Variants in STAU2 observed in about 807,000 individuals in gnomAD.
STAU2 encodes double-stranded RNA-binding protein Staufen homolog 2.
STAU2 carries 20 observed loss-of-function variants against 65.9 expected under a neutral mutation model. The ratio of observed to expected loss-of-function variants is 0.30; its 90% confidence interval spans 0.21 to 0.44. The LOEUF is 0.44. STAU2 is among the 20% of genes least tolerant of loss of function. The pLI is 1.00. For missense variants in STAU2, 558 were observed against 683.9 expected, an observed-to-expected ratio of 0.82 and a Z score of 2.05; for synonymous variants, 232 against 233.9, an observed-to-expected ratio of 0.99 and a Z score of 0.07.
intron 13 of STAU2, among the ~76,000 whole-genome samples, chr8:73,473,490 C>T (rs892232919): frequency 2.0e-5 from 3 of 152,184 alleles, no homozygotes; most frequent in Non-Finnish European, 2.9e-5. Context: ...AAAATCCACA[C>T]GCCTCAAGTC....
chr8:73,695,829 T>C (rs1337736050), intron 4 of STAU2, among the ~76,000 whole-genome samples: 1 of 152,134 alleles, frequency 6.6e-6, no homozygotes, highest in African/African-American at 2.4e-5. Context: ...GTATTATGGA[T>C]TGAGTGCCAG....
intron 4 of STAU2, among the ~76,000 whole-genome samples, chr8:73,707,904 T>C (rs17223062): frequency 0.35 from 52,613 of 151,082 alleles, 10,938 homozygotes; most frequent in Non-Finnish European, 0.46. Context: ...TGCTCAACAA[T>C]GAGTAAGGGC....
chr8:73,450,475 T>C (rs900715656), intron 13 of STAU2, among the ~76,000 whole-genome samples: 6 of 152,152 alleles, frequency 3.9e-5, no homozygotes, highest in Admixed American at 3.9e-4. Context: ...GAGAGGAAAC[T>C]AAAGACTCAT....
chr8:73,594,319 T>C (rs1248159760), intron 11 of STAU2, among the ~76,000 whole-genome samples: 3 of 152,208 alleles, frequency 2.0e-5, no homozygotes, highest in African/African-American at 7.2e-5. Flanking sequence ...TCTAAGTGTC[T>C]TTATATATTT....
At chr8:73,691,922 C>G (rs1041180907) in intron 4 of STAU2, among the ~76,000 whole-genome samples, 8 of 152,126 alleles carry the variant, frequency 5.3e-5, no homozygotes, top group African/African-American at 1.9e-4. Flanking sequence ...GGATAGAGAG[C>G]TAGTCTGAGG....
chr8:73,690,337 A>G (rs1819243289), intron 4 of STAU2, among the ~76,000 whole-genome samples: 2 of 151,116 alleles, frequency 1.3e-5, no homozygotes, highest in Admixed American at 1.3e-4. Flanking sequence ...TCAAAAAAAA[A>G]AAAAAAAAAG....
chr8:73,484,897 G>T (rs781729519), intron 13 of STAU2, among the ~76,000 whole-genome samples: 7 of 152,108 alleles, frequency 4.6e-5, no homozygotes, highest in Non-Finnish European at 8.8e-5. Flanking sequence ...TGACAGAAGA[G>T]AAGTCACTTT....
chr8:73,573,932 C>A (rs1341382324), intron 12 of STAU2, among the ~76,000 whole-genome samples: 1 of 152,136 alleles, frequency 6.6e-6, no homozygotes, highest in Non-Finnish European at 1.5e-5. Context: ...AGAGCTTCTG[C>A]ACAGCAAAAG....
rs760064943 is a variant in STAU2, at chr8:73,617,323, T to G, written c.539A>C (p.Gln180Pro). ...AGATCTTTCTGGAATAGGTTCATTC[T>G]GCAGTGCTTGGAGGGCTTTCATTGC... Reference protein sequence around the residue: ...NAAMKALQALQNEPIPERSPQ... With the variant: ...NAAMKALQALPNEPIPERSPQ... The change falls in exon 7 of 15, where the codon CAG becomes CCG. Residue 180 changes from glutamine to proline, a missense_variant. Gln to Pro is a moderately conservative substitution (Grantham distance 76, BLOSUM62 -1). Around this residue, in one of 3 missense-constraint regions of STAU2, gnomAD observed 199 missense variants for 299.5 expected, o/e 0.66. Coordinates refer to ENST00000524300, the MANE Select transcript of STAU2 (RefSeq NM_001164380.2). 1 of 1,614,142 alleles carries G rather than the reference T, an allele frequency of 6.2e-7. No homozygotes were observed. Among genetic ancestry groups the G allele is most frequent in the Admixed American group, 1.7e-5 (1 of 60,022 alleles).
chr8:73,723,111 C>CACACACACACACACAT (rs1285539912), intron 3 of STAU2, among the ~76,000 whole-genome samples: 1 of 150,232 alleles, frequency 6.7e-6, no homozygotes, highest in African/African-American at 2.4e-5. Context: ...CACACACCCA[C>CACACACACACACACAT]ACACACACAC....
At chr8:73,470,294 A>G (rs895226517) in intron 13 of STAU2, among the ~76,000 whole-genome samples, 1 of 152,126 alleles carries the variant, frequency 6.6e-6, no homozygotes, top group African/African-American at 2.4e-5. Flanking sequence ...AAAGATCCCC[A>G]GTTTTGCTTT....
chr8:73,676,029 A>G (rs1818008594), intron 5 of STAU2, among the ~76,000 whole-genome samples: 2 of 152,208 alleles, frequency 1.3e-5, no homozygotes, highest in African/African-American at 2.4e-5. Flanking sequence ...TCTATGTACT[A>G]TTTCCACAAA....
rs559750003 is a variant in STAU2, at chr8:73,512,780, G to A, written c.1530+39232C>T. On this transcript the variant is annotated intron_variant, in intron 13 of 14. Coordinates refer to ENST00000524300, the MANE Select transcript of STAU2 (RefSeq NM_001164380.2). ...ATCTATCTTGAAGTTTATGGGTGTG[G>A]GTTCTTCTGCCATCTCAAATCTGTT... Among the ~76,000 whole-genome samples, 8 of 152,106 alleles carry A rather than the reference G, an allele frequency of 5.3e-5. No individual in the cohort carries two copies. In the South Asian group the frequency reaches 1.7e-3, roughly 32 times the overall value.
intron 13 of STAU2, among the ~76,000 whole-genome samples, chr8:73,447,457 C>CATA (rs1460075423): frequency 2.0e-5 from 3 of 152,168 alleles, no homozygotes; most frequent in Non-Finnish European, 2.9e-5. Context: ...TAATCAGTCC[C>CATA]ATAATAATAA....
At chr8:73,512,461 T>A (rs1293600287) in intron 13 of STAU2, among the ~76,000 whole-genome samples, 3 of 152,234 alleles carry the variant, frequency 2.0e-5, no homozygotes, top group Non-Finnish European at 4.4e-5. Context: ...AAATCTTGCA[T>A]CTCTGTGTTT....
intron 6 of STAU2, among the ~76,000 whole-genome samples, chr8:73,634,146 C>G (rs567156461): frequency 1.4e-4 from 22 of 152,174 alleles, no homozygotes; most frequent in Non-Finnish European, 2.6e-4. Context: ...CATTCTTCAC[C>G]TAATTATATT....
At chr8:73,440,536 T>A (rs1393846131) in intron 13 of STAU2, 1 of 152,338 alleles carries the variant, frequency 6.6e-6, no homozygotes, top group Middle Eastern at 3.4e-3. Context: ...TTCTGTTGGT[T>A]CTTTTTTGAA....
chr8:73,565,274 T>A (rs1808517744), intron 12 of STAU2, among the ~76,000 whole-genome samples: 1 of 151,484 alleles, frequency 6.6e-6, no homozygotes, highest in Non-Finnish European at 1.5e-5. Context: ...ATTTGCCTGT[T>A]TGAAAGTGTG....
At chr8:73,492,483 A>C (rs1215073370) in intron 13 of STAU2, among the ~76,000 whole-genome samples, 1 of 151,884 alleles carries the variant, frequency 6.6e-6, no homozygotes, top group African/African-American at 2.4e-5. Context: ...TTCCTAGATA[A>C]GTACTCTCTT....
Sources: gnomAD v4.1 joint callset for allele counts (sites outside exome capture counted in the v4.1 genomes callset) on GRCh38, gnomAD v4.1.1 for gene constraint, gnomAD v4.1.1 regional missense constraint, MANE v1.5 for transcripts, NCBI Gene and HGNC (gene_info 2026-07-23, HGNC 2026-07-21) for gene names.